The following RALGPS2 variants were observed in gnomAD, a reference collection of about 807,000 sequenced individuals.
RALGPS2 encodes the protein ras-specific guanine nucleotide-releasing factor RalGPS2.
In RALGPS2, 43 loss-of-function variants were observed where a neutral mutation model predicts 86.8. The ratio of observed to expected loss-of-function variants is 0.50; its 90% CI spans 0.39 to 0.64. The LOEUF is 0.64. Ranked by LOEUF, RALGPS2 falls within the 30% of genes least tolerant of loss-of-function variation. The pLI is 0.00. For missense variants in RALGPS2, 536 were observed against 694.6 expected (o/e 0.77, Z 2.57); for synonymous variants, 243 against 231.3 (o/e 1.05, Z -0.46).
At chr1:178,823,983 A>T (rs989561916) in intron 7 of RALGPS2, among the ~76,000 whole-genome samples, 2 of 152,222 alleles carry the variant, frequency 1.3e-5, no homozygotes, top group Non-Finnish European at 2.9e-5. Flanking sequence ...AGGATTCCCA[A>T]GTAGAGATTG....
chr1:178,848,702 G>T (rs757845723), intron 8 of RALGPS2, among the ~76,000 whole-genome samples: 8 of 152,208 alleles, frequency 5.3e-5, no homozygotes, highest in Non-Finnish European at 1.0e-4. Context: ...CCCCAGGCTC[G>T]AGTGCAGTGG....
chr1:178,770,764 A>C (rs371347436), intron 1 of RALGPS2, among the ~76,000 whole-genome samples: 4 of 150,778 alleles, frequency 2.7e-5, no homozygotes, highest in South Asian at 2.1e-4. Context: ...GGCGTGAGGC[A>C]CCGCGCCTGG....
Position 178,917,841 on chromosome 1 carries a change from A to G in RALGPS2, c.*1482A>G, listed in dbSNP as rs1660863249. The G allele has an allele frequency of 6.6e-6, 1 of 152,166 alleles. No homozygotes were observed. The highest frequency in any genetic ancestry group is 2.1e-4 in the South Asian group (1 of 4,832). The allele number at this position is 152,166 out of a possible 1,614,324, so 9.4% of individuals were successfully genotyped here. A position where few individuals can be genotyped will look rare whatever the true frequency, so the allele number is the denominator to read the frequency against. On this transcript the variant is annotated 3_prime_UTR_variant, in exon 20 of 20. Coordinates refer to ENST00000367635, the MANE Select transcript of RALGPS2 (RefSeq NM_152663.5). ...ATGAATTTTAGCAGTGGCCTAGAGT[A>G]AGGTAATGCTTTGTGACTGATATCT...
At chr1:178,853,480 A>T in intron 8 of RALGPS2, 1 of 943,434 alleles carries the variant, frequency 1.1e-6, no homozygotes, top group Non-Finnish European at 1.5e-6. Context: ...ATGAAAAAAC[A>T]TATGGATAGT....
intron 8 of RALGPS2, among the ~76,000 whole-genome samples, chr1:178,860,608 G>A (rs1032388551): frequency 2.6e-5 from 4 of 151,988 alleles, no homozygotes; most frequent in African/African-American, 4.8e-5. Context: ...TTCACCCTCC[G>A]CCTAACATCT....
At chr1:178,791,394 G>T (rs1376020736) in intron 4 of RALGPS2, among the ~76,000 whole-genome samples, 1 of 151,334 alleles carries the variant, frequency 6.6e-6, no homozygotes, top group East Asian at 1.9e-4. Context: ...TTCCCAAAGT[G>T]CTGGGATCAG....
At chr1:178,831,635 C>A (rs962926975) in intron 7 of RALGPS2, among the ~76,000 whole-genome samples, 9 of 149,700 alleles carry the variant, frequency 6.0e-5, no homozygotes, top group South Asian at 2.1e-4. Flanking sequence ...CCGCCCCCCC[C>A]ACCCCCAGCG....
chr1:178,847,597 G>A (rs1015620901), intron 8 of RALGPS2, among the ~76,000 whole-genome samples: 2 of 152,100 alleles, frequency 1.3e-5, no homozygotes, highest in Non-Finnish European at 2.9e-5. Context: ...AAACTTGTTA[G>A]GGTATAATAA....
At chr1:178,784,335 C>A in intron 2 of RALGPS2, 83 bp from the exon 3 acceptor site, 1 of 1,031,356 alleles carries the variant, frequency 9.7e-7, no homozygotes, top group Non-Finnish European at 1.4e-6. Flanking sequence ...GTTTTGTTTT[C>A]TCAGTTTTTA....
At chr1:178,828,117 G>A (rs1655839673) in intron 7 of RALGPS2, among the ~76,000 whole-genome samples, 1 of 152,092 alleles carries the variant, frequency 6.6e-6, no homozygotes, top group African/African-American at 2.4e-5. Context: ...ATACAAAATG[G>A]GATTGCATCA....
chr1:178,838,432 A>C (rs1174349212), intron 8 of RALGPS2, among the ~76,000 whole-genome samples: 1 of 152,204 alleles, frequency 6.6e-6, no homozygotes, highest in African/African-American at 2.4e-5. Context: ...GTGGACCTCC[A>C]GCAAACTCCA....
chr1:178,756,636 A>G (rs144105599), intron 1 of RALGPS2, among the ~76,000 whole-genome samples: 1 of 152,010 alleles, frequency 6.6e-6, no homozygotes, highest in Non-Finnish European at 1.5e-5. Context: ...TGCCTTGGCT[A>G]CTCAGGTTCT....
chr1:178,739,974 ACT>A lies in RALGPS2; in HGVS notation c.-84+14558_-84+14559del, dbSNP rs1650926441. Among the ~76,000 whole-genome samples, 9 of 152,226 alleles carry A rather than the reference ACT, an allele frequency of 5.9e-5. No individual in the cohort carries two copies. In the South Asian group the frequency reaches 1.9e-3, roughly 32 times the overall value. On this transcript the variant is annotated intron_variant, in intron 1 of 19. Transcript: ENST00000367635. ...AATAGGGTCATTGATACTACTTCTAACTCTGAGCGGTATTTGAAATAATAGAT... is the reference window on the plus strand; with the variant it reads ...AATAGGGTCATTGATACTACTTCTAACTGAGCGGTATTTGAAATAATAGAT...
chr1:178,769,955 G>A (rs113357226), intron 1 of RALGPS2, among the ~76,000 whole-genome samples: 6,469 of 151,430 alleles, frequency 0.043, 488 homozygotes, highest in African/African-American at 0.15. Context: ...TCTGGGTGTC[G>A]TTTATGATTC....
chr1:178,864,221 G>A (rs1658225204), intron 8 of RALGPS2, among the ~76,000 whole-genome samples: 1 of 152,096 alleles, frequency 6.6e-6, no homozygotes, highest in South Asian at 2.1e-4. Flanking sequence ...TGCATGAAGA[G>A]AGAAAGAAAT....
At chr1:178,908,389 A>T (rs181912465) in intron 19 of RALGPS2, among the ~76,000 whole-genome samples, 45 of 152,282 alleles carry the variant, frequency 3.0e-4, no homozygotes, top group Non-Finnish European at 4.7e-4. Flanking sequence ...TACTGCTGGG[A>T]TGAACATACA....
At position 178,786,481 on chromosome 1, in the gene RALGPS2, C is replaced by A. The variant is rs888211886; in HGVS notation, c.213+874C>A. Reference sequence around the variant, plus strand: ...TTTCTAATGAAAACAAAGGGACTGGCGTTATGCATCTATCCACTATAAGCA... The same window carrying A: ...TTTCTAATGAAAACAAAGGGACTGGAGTTATGCATCTATCCACTATAAGCA... On this transcript the variant is annotated intron_variant, in intron 4 of 19. Transcript: ENST00000367635. Among the ~76,000 whole-genome samples, 10 of 151,936 alleles carry A rather than the reference C, an allele frequency of 6.6e-5. 1 individual carries two copies. In the East Asian group the frequency reaches 1.4e-3, roughly 21 times the overall value.
chr1:178,806,605 T>A (rs1654759647), intron 4 of RALGPS2, among the ~76,000 whole-genome samples: 1 of 152,136 alleles, frequency 6.6e-6, no homozygotes. Flanking sequence ...TCTCTTATAT[T>A]TTTTATTTCT....
At chr1:178,859,688 C>G (rs1657831797) in intron 8 of RALGPS2, among the ~76,000 whole-genome samples, 1 of 138,898 alleles carries the variant, frequency 7.2e-6, no homozygotes, top group African/African-American at 2.6e-5. Flanking sequence ...ACATCATACA[C>G]GAAGCACTTT....
Sources: gnomAD v4.1 joint callset for allele counts (sites outside exome capture counted in the v4.1 genomes callset) on GRCh38, gnomAD v4.1.1 for gene constraint, MANE v1.5 for transcripts, NCBI Gene and HGNC (gene_info 2026-07-23, HGNC 2026-07-21) for gene names.